Variants in PCDHGA5 observed in about 807,000 individuals in gnomAD.
PCDHGA5 encodes protocadherin gamma subfamily A, 5.
PCDHGA5 carries 36 observed loss-of-function variants against 56.7 expected under a neutral mutation model. That is an observed-to-expected ratio of 0.64 (90% confidence interval 0.49 to 0.84). The LOEUF (loss-of-function observed/expected upper bound fraction) is 0.84. PCDHGA5 is among the 40% of genes least tolerant of loss of function. The probability of loss-of-function intolerance (pLI) is 0.00; values close to 1 mark genes in which losing one functional copy is unlikely to be tolerated. For missense variants in PCDHGA5, 1,305 were observed against 1,201.5 expected, an observed-to-expected ratio of 1.09 and a Z score of -1.27; for synonymous variants, 563 against 520.2, an observed-to-expected ratio of 1.08 and a Z score of -1.12.
chr5:141,414,457 G>A (rs1319960665), intron 1 of PCDHGA5: 7 of 1,613,872 alleles, frequency 4.3e-6, no homozygotes, highest in Non-Finnish European at 5.9e-6. Flanking sequence ...CACAGTGACA[G>A]CCACAGATGG....
chr5:141,419,869 G>A, intron 1 of PCDHGA5: 3 of 1,614,072 alleles, frequency 1.9e-6, no homozygotes, highest in South Asian at 1.1e-5. Flanking sequence ...GCTTGCAAGA[G>A]GTACTGCCGG....
chr5:141,473,479 G>GA (rs150184379), intron 1 of PCDHGA5, among the ~76,000 whole-genome samples: 6,877 of 152,218 alleles, frequency 0.045, 184 homozygotes, highest in Middle Eastern at 0.088. Flanking sequence ...AAGTTCAATG[G>GA]AAAAAATATA....
chr5:141,427,726 T>G (rs2097061742), intron 1 of PCDHGA5: 1 of 1,155,034 alleles, frequency 8.7e-7, no homozygotes, highest in Non-Finnish European at 1.3e-6. Context: ...GACCTAGGGC[T>G]GAATGGCCAA....
In PCDHGA5 at chr5:141,485,848, C is replaced by T; in HGVS notation, c.2422-8959C>T. On this transcript the variant is annotated intron_variant, in intron 1 of 3. Coordinates refer to ENST00000518069, the MANE Select transcript of PCDHGA5 (RefSeq NM_018918.3). This position sits in a 1 kb window ranked among gnomAD's most constrained non-coding sequence, Gnocchi z 5.7. ...GAGGGAACCCGCCGAGATCTGGCAC[C>T]GCAGAGCTCCGGGTATCCGTGCTGG... The T allele has an allele frequency of 1.2e-6, 2 of 1,614,194 alleles. No homozygotes were observed. Among genetic ancestry groups the T allele is most frequent in the South Asian group, 2.2e-5 (2 of 91,080 alleles).
At chr5:141,423,398 G>T in intron 1 of PCDHGA5, 7 of 1,614,172 alleles carry the variant, frequency 4.3e-6, no homozygotes, top group Non-Finnish European at 5.9e-6. Flanking sequence ...CATAAGTCAC[G>T]CCTGCTGCAG....
At chr5:141,397,824 A>G (rs2093574037) in intron 1 of PCDHGA5, among the ~76,000 whole-genome samples, 3 of 152,240 alleles carry the variant, frequency 2.0e-5, no homozygotes, top group Admixed American at 2.0e-4. Flanking sequence ...CAATTACTGC[A>G]CTGGTTAACT....
At chr5:141,458,563 G>T (rs1181785251) in intron 1 of PCDHGA5, among the ~76,000 whole-genome samples, 1 of 140,116 alleles carries the variant, frequency 7.1e-6, no homozygotes, top group Non-Finnish European at 1.5e-5. Context: ...TTTTGGTTTT[G>T]GGTTTTTGTT....
chr5:141,375,003 T>C lies in PCDHGA5; in HGVS notation c.2421+8252T>C, dbSNP rs376283841. The C allele has an allele frequency of 7.7e-5, 124 of 1,613,936 alleles. No individual in the cohort carries two copies. Among genetic ancestry groups the C allele is most frequent in the Non-Finnish European group, 1.0e-4 (120 of 1,179,910 alleles). The stretch of plus-strand genomic sequence containing the variant: ...GGAGAAATTTCAACTTCTGCAAATC[T>C]AGACTATGAGGACTCGAGTTTTTAT... On this transcript the variant is annotated intron_variant, in intron 1 of 3. Transcript: ENST00000518069.
At chr5:141,382,378 C>A (rs1160680038) in intron 1 of PCDHGA5, among the ~76,000 whole-genome samples, 1 of 152,098 alleles carries the variant, frequency 6.6e-6, no homozygotes, top group Non-Finnish European at 1.5e-5. Context: ...TTTTTGCCTT[C>A]AATAACTGAT....
rs753358324 is a variant in PCDHGA5, at chr5:141,487,328, G to A, written c.2422-7479G>A. On this transcript the variant is annotated intron_variant, in intron 1 of 3. Transcript: ENST00000518069. This position sits in a 1 kb window ranked among gnomAD's most constrained non-coding sequence, Gnocchi z 5.0. ...ACTACTCTCTAAGTGTCTTCGTGGG[G>A]CAGCCTGTGGAGTCACATGCTTTCC... 1.2e-6 allele frequency: 2 copies of A among 1,613,962 alleles called. No individual in the cohort carries two copies. The highest frequency in any genetic ancestry group is 2.2e-5 in the East Asian group (1 of 44,874).
rs372096658 is a variant in PCDHGA5, at chr5:141,405,073, C to T, written c.2421+38322C>T. On this transcript the variant is annotated intron_variant, in intron 1 of 3. Coordinates refer to ENST00000518069, the MANE Select transcript of PCDHGA5 (RefSeq NM_018918.3). The stretch of plus-strand genomic sequence containing the variant: ...TCGTCTCCTGTGTCTTCCTCACCTT[C>T]GTTATCACGCTGCTGGCCCTCAGGC... The T allele has an allele frequency of 1.1e-5, 17 of 1,613,880 alleles. No individual in the cohort carries two copies. In the East Asian group the frequency reaches 1.3e-4, roughly 13 times the overall value.
Position 141,490,202 on chromosome 5 carries a change from G to A in PCDHGA5, c.2422-4605G>A, listed in dbSNP as rs1594889134. On this transcript the variant is annotated intron_variant, in intron 1 of 3. Coordinates refer to ENST00000518069, the MANE Select transcript of PCDHGA5 (RefSeq NM_018918.3). The surrounding 1 kb of genome is among the most constrained non-coding windows in gnomAD (Gnocchi z 5.4). ...TCACGTTTCTATGAAATTCATGCAA[G>A]AGCCCGTGACCAGGGACAGCCTGCC... 1.2e-6 allele frequency: 2 copies of A among 1,614,220 alleles called. No homozygotes were observed. The highest frequency in any genetic ancestry group is 2.7e-5 in the African/African-American group (2 of 75,060).
intron 1 of PCDHGA5, chr5:141,378,952 A>C (rs1276367452): frequency 6.6e-6 from 1 of 152,232 alleles, no homozygotes; most frequent in East Asian, 1.9e-4. Flanking sequence ...AATGGAGTAC[A>C]GGGGATTCTC....
At position 141,489,632 on chromosome 5, in the gene PCDHGA5, C is replaced by T; in HGVS notation, c.2422-5175C>T. 6.2e-7 allele frequency: 1 copy of T among 1,614,138 alleles called. No homozygotes were observed. Among genetic ancestry groups the T allele is most frequent in the Non-Finnish European group, 8.5e-7 (1 of 1,180,010 alleles). Reference sequence around the variant, plus strand: ...ATCCTGGATCTCAATGACAACTCTCCTAGCTTTGCCACCCCTGAGCGAGAG... The same window carrying T: ...ATCCTGGATCTCAATGACAACTCTCTTAGCTTTGCCACCCCTGAGCGAGAG... On this transcript the variant is annotated intron_variant, in intron 1 of 3. Transcript: ENST00000518069. The surrounding 1 kb of genome is among the most constrained non-coding windows in gnomAD (Gnocchi z 4.5).
chr5:141,432,725 G>A lies in PCDHGA5; in HGVS notation c.2422-62082G>A, dbSNP rs755759587. The A allele has an allele frequency of 7.4e-6, 12 of 1,613,896 alleles. No individual in the cohort carries two copies. Among genetic ancestry groups the A allele is most frequent in the African/African-American group, 1.3e-5 (1 of 74,932 alleles). On this transcript the variant is annotated intron_variant, in intron 1 of 3. Transcript: ENST00000518069. This position sits in a 1 kb window ranked among gnomAD's most constrained non-coding sequence, Gnocchi z 6.0. ...GGACCACGGCCAGCCCCCTCTCTCC[G>A]CCACTGTCACGCTCACCGTGGCCGT...
chr5:141,485,192 A>T lies in PCDHGA5; in HGVS notation c.2422-9615A>T. 1.2e-6 allele frequency: 2 copies of T among 1,613,942 alleles called. No individual in the cohort carries two copies. Among genetic ancestry groups the T allele is most frequent in the African/African-American group, 2.7e-5 (2 of 75,048 alleles). On this transcript the variant is annotated intron_variant, in intron 1 of 3. Transcript: ENST00000518069. The surrounding 1 kb of genome is among the most constrained non-coding windows in gnomAD (Gnocchi z 5.7). ...GGCAGCAATGCTCCGCAAGGTGAGA[A>T]GCTGGACAGAAATCTGGCGGTGGGC... is the stretch of plus-strand genomic sequence containing the variant.
intron 1 of PCDHGA5, chr5:141,427,984 C>T (rs754620535): frequency 1.9e-6 from 3 of 1,597,494 alleles, no homozygotes; most frequent in South Asian, 1.1e-5. Context: ...GCGCTGGGGC[C>T]CGATGGCTCC....
At chr5:141,407,534 A>T (rs72790039) in intron 1 of PCDHGA5, among the ~76,000 whole-genome samples, 1 of 149,478 alleles carries the variant, frequency 6.7e-6, no homozygotes, top group Non-Finnish European at 1.5e-5. Flanking sequence ...CTTATTGTGC[A>T]TTGGTAACAG....
rs1224515106 is a variant in PCDHGA5 at position 141,491,453 on chromosome 5, C to T, written c.2422-3354C>T. On this transcript the variant is annotated intron_variant, in intron 1 of 3. Transcript: ENST00000518069. The surrounding 1 kb of genome is among the most constrained non-coding windows in gnomAD (Gnocchi z 6.9). ...TGCTGCAGGCGCCAGGACTCACCCT[C>T]CCCGGACTTCTATAAGCAGTCCAGC... The T allele has an allele frequency of 6.2e-6, 10 of 1,614,120 alleles. No homozygotes were observed. The highest frequency in any genetic ancestry group is 8.5e-6 in the Non-Finnish European group (10 of 1,180,028).
Sources: allele counts gnomAD v4.1 joint callset (sites outside exome capture counted in the v4.1 genomes callset), GRCh38; gene constraint gnomAD v4.1.1; non-coding constraint Gnocchi (gnomAD v3.1); transcripts MANE v1.5; gene names NCBI Gene and HGNC (gene_info 2026-07-23, HGNC 2026-07-21).